The following SUMF2 variants were observed in gnomAD, a reference collection of about 807,000 sequenced individuals.
SUMF2 encodes the protein inactive C-alpha-formylglycine-generating enzyme 2.
Under a neutral mutation model 44.8 loss-of-function variants are expected in SUMF2, and 45 were observed. That is an observed-to-expected ratio of 1.00 (90% confidence interval 0.79 to 1.29). The LOEUF (loss-of-function observed/expected upper bound fraction) is 1.29. Among genes scored for constraint, SUMF2 ranks in the 50% most tolerant of loss-of-function variants. The pLI is 0.00. For missense variants in SUMF2, 418 were observed against 389.9 expected, an observed-to-expected ratio of 1.07 and a Z score of -0.61; for synonymous variants, 148 against 150.4, an observed-to-expected ratio of 0.98 and a Z score of 0.12.
chr7:56,075,524 G>A (rs1236832716), intron 5 of SUMF2, among the ~76,000 whole-genome samples: 2 of 151,410 alleles, frequency 1.3e-5, no homozygotes, highest in Admixed American at 6.6e-5. Flanking sequence ...GTGAAACCCC[G>A]TCTCTACTAA....
downstream of SUMF2, chr7:56,083,687 G>C: frequency 6.3e-7 from 1 of 1,584,832 alleles, no homozygotes; most frequent in Non-Finnish European, 8.6e-7. Flanking sequence ...TTCTCAGTGA[G>C]GTAGTCAAAG....
In SUMF2 at chr7:56,073,737, G is replaced by A. The variant is rs113414101; in HGVS notation, c.340-437G>A. 9.5e-3 allele frequency: 1,753 copies of A among 184,256 alleles called. 11 individuals are homozygous for A. The highest frequency in any genetic ancestry group is 0.027 in the Middle Eastern group (10 of 374). 11.4% of individuals were successfully genotyped at this position (184,256 alleles called of 1,614,324 possible). On this transcript the variant is annotated intron_variant, in intron 3 of 8. Transcript: ENST00000434526. ...ATAAAGATTCCAGTCTCAGCTGGGC[G>A]CAGCAGCTCACGCCTGTAACCCCAG...
rs1795846253 is a variant in SUMF2 at position 56,079,714 on chromosome 7, G to A, written c.*102G>A. 1 of 1,607,788 alleles carries A rather than the reference G, an allele frequency of 6.2e-7. No homozygotes were observed. The highest frequency in any genetic ancestry group is 1.1e-5 in the South Asian group (1 of 90,590). On this transcript the variant is annotated 3_prime_UTR_variant, in exon 9 of 9. Coordinates refer to ENST00000434526, the MANE Select transcript of SUMF2 (RefSeq NM_015411.4). ...CCAAGCTCGAGAGCTTCAGCCTCAG[G>A]AAAGAACTTCCCCTTCCCTGTCTCC...
Position 56,074,634 on chromosome 7 carries a change from T to G in SUMF2, c.433T>G (p.Leu145Val). 6.2e-7 allele frequency: 1 copy of G among 1,614,056 alleles called. No individual in the cohort carries two copies. The highest frequency in any genetic ancestry group is 8.5e-7 in the Non-Finnish European group (1 of 1,179,998). Residue 145 changes from leucine to valine, a missense_variant, in exon 5 of 9, where the codon TTA (leucine) becomes GTA (valine). Coordinates refer to ENST00000434526, the MANE Select transcript of SUMF2 (RefSeq NM_015411.4). ...GIRERLEHPV[L>V]HVSWNDARAY... ...CCGAGAGAGACTGGAGCACCCAGTG[T>G]TACACGTGAGCTGGAATGACGCCCG...
chr7:56,086,872 A>G, the SUMF2 span: 1 of 901,794 alleles, frequency 1.1e-6, no homozygotes, highest in Non-Finnish European at 1.9e-6. Context: ...TCCTCAGCGC[A>G]GGAGCTGGCT....
At chr7:56,065,620 CG>C (rs983896959) in intron 1 of SUMF2, among the ~76,000 whole-genome samples, 2 of 151,766 alleles carry the variant, frequency 1.3e-5, no homozygotes, top group African/African-American at 2.4e-5. Context: ...TTTGGTGGGG[CG>C]GGGGGCAAGG....
chr7:56,079,808 G>T lies in SUMF2; in HGVS notation c.*196G>T, dbSNP rs764733587. ...TCAGCCTCCTGTGTTTTGGAGAAGGGGCCCAATGTGTGTTGACGATGGCTG... is the reference window on the plus strand; with the variant it reads ...TCAGCCTCCTGTGTTTTGGAGAAGGTGCCCAATGTGTGTTGACGATGGCTG... On this transcript the variant is annotated 3_prime_UTR_variant, in exon 9 of 9. Coordinates refer to ENST00000434526, the MANE Select transcript of SUMF2 (RefSeq NM_015411.4). 29 of 1,552,652 alleles carry T rather than the reference G, an allele frequency of 1.9e-5. No individual in the cohort carries two copies. In the Admixed American group the frequency reaches 3.9e-4, roughly 21 times the overall value.
At chr7:56,083,442 C>T, downstream of SUMF2, 1 of 1,614,070 alleles carries the variant, frequency 6.2e-7, no homozygotes, top group Non-Finnish European at 8.5e-7. Context: ...CATGATCTTT[C>T]TAGGGTGGGG....
chr7:56,064,480 C>T lies in SUMF2; in HGVS notation c.67+102C>T, dbSNP rs561614927. The T allele has an allele frequency of 3.3e-5, 47 of 1,444,048 alleles. No homozygotes were observed. The South Asian group carries it at 5.6e-4, about 17-fold the overall frequency. The allele number at this position is 1,444,048 out of a possible 1,614,324, so 89.5% of individuals were successfully genotyped here. ...GGCCCTTCTGCCGGCTTCCGGGATGCGGCTGCAGCGGCAGGCTGGGGAGGT... is the reference window on the plus strand; with the variant it reads ...GGCCCTTCTGCCGGCTTCCGGGATGTGGCTGCAGCGGCAGGCTGGGGAGGT... On this transcript the variant is annotated intron_variant, in intron 1 of 8. Coordinates refer to ENST00000434526, the MANE Select transcript of SUMF2 (RefSeq NM_015411.4).
At chr7:56,078,923 G>A in intron 8 of SUMF2, 1 of 503,020 alleles carries the variant, frequency 2.0e-6, no homozygotes, top group Non-Finnish European at 3.6e-6. Context: ...TTGAGACAGA[G>A]TCTTGCTCTG....
intron 6 of SUMF2, among the ~76,000 whole-genome samples, chr7:56,077,377 T>G (rs1795634094): frequency 1.4e-5 from 2 of 146,624 alleles, no homozygotes; most frequent in Non-Finnish European, 3.0e-5. Flanking sequence ...TAAAGAGTTG[T>G]AGGGCTGGGT....
At chr7:56,081,199 AG>A, downstream of SUMF2, 1 of 1,613,902 alleles carries the variant, frequency 6.2e-7, no homozygotes, top group South Asian at 1.1e-5. The surrounding 1 kb of genome is among the most constrained non-coding windows in gnomAD (Gnocchi z 4.6). Context: ...CAGAGGCCGG[AG>A]GGCATAGGGG....
At chr7:56,084,396 T>TG (rs1471510548), downstream of SUMF2, among the ~76,000 whole-genome samples, 1 of 140,436 alleles carries the variant, frequency 7.1e-6, no homozygotes, top group Non-Finnish European at 1.5e-5. Context: ...TTTTTTGAGA[T>TG]GGAGTTTTTG....
chr7:56,078,211 C>T lies in SUMF2; in HGVS notation c.676+25C>T, dbSNP rs781425177. 19 of 1,599,402 alleles carry T rather than the reference C, an allele frequency of 1.2e-5. No homozygotes were observed. In the South Asian group the frequency reaches 2.0e-4, roughly 17 times the overall value. ...GGTAAGAGCTGTCTTGGGCTTGCGG[C>T]TGTGCCCATGAACTGGCTGTTGGGA... On this transcript the variant is annotated intron_variant, in intron 7 of 8. Coordinates refer to ENST00000434526, the MANE Select transcript of SUMF2 (RefSeq NM_015411.4).
chr7:56,075,540 C>CA (rs1178839897), intron 5 of SUMF2, among the ~76,000 whole-genome samples: 181 of 149,734 alleles, frequency 1.2e-3, no homozygotes, highest in Non-Finnish European at 1.8e-3. Context: ...ACTAAAAATA[C>CA]AAAAAAAAAT....
the SUMF2 span, chr7:56,087,722 G>A: frequency 1.5e-5 from 25 of 1,613,756 alleles, 1 homozygote; most frequent in South Asian, 9.9e-5. Context: ...CCTTCACGGC[G>A]TACTCCTGGC....
chr7:56,079,445 T>C (rs1160130636), intron 8 of SUMF2, 83 bp from the exon 9 acceptor site: 2 of 1,385,102 alleles, frequency 1.4e-6, no homozygotes, highest in Non-Finnish European at 2.0e-6. Context: ...TGGCCGGCCC[T>C]GCGGATGAGG....
At chr7:56,074,435 TTC>T in intron 4 of SUMF2, 149 bp from the exon 5 acceptor site, 1 of 1,134,056 alleles carries the variant, frequency 8.8e-7, no homozygotes, top group Non-Finnish European at 1.2e-6. Flanking sequence ...AGTCTCTTTT[TTC>T]TGACTCCGAC....
At chr7:56,065,518 A>G (rs1381252489) in intron 1 of SUMF2, among the ~76,000 whole-genome samples, 1 of 152,216 alleles carries the variant, frequency 6.6e-6, no homozygotes, top group Non-Finnish European at 1.5e-5. Flanking sequence ...GGACAAAATA[A>G]AGCTCATACA....
Sources: allele counts gnomAD v4.1 joint callset (sites outside exome capture counted in the v4.1 genomes callset), GRCh38; gene constraint gnomAD v4.1.1; non-coding constraint Gnocchi (gnomAD v3.1); transcripts MANE v1.5; gene names NCBI Gene and HGNC (gene_info 2026-07-23, HGNC 2026-07-21).